Variants in ATXN7 observed in about 807,000 individuals in gnomAD.
ATXN7 encodes the protein ataxin 7, also known as ataxin-7.
In ATXN7, 12 loss-of-function variants were observed where a neutral mutation model predicts 70.5. The observed-to-expected ratio is 0.17, with a 90% CI of 0.11 to 0.28. The LOEUF is 0.28. Among genes scored for constraint, ATXN7 ranks in the 10% least tolerant of loss-of-function variants. The pLI is 1.00. For missense variants in ATXN7, 1,256 were observed against 1,131.7 expected, an observed-to-expected ratio of 1.11 and a Z score of -1.58; for synonymous variants, 498 against 448.7, an observed-to-expected ratio of 1.11 and a Z score of -1.39.
intron 2 of ATXN7, among the ~76,000 whole-genome samples, chr3:63,900,056 C>G (rs1703578799): frequency 1.3e-5 from 2 of 152,138 alleles, no homozygotes; most frequent in Admixed American, 1.3e-4. Context: ...TGCACACCAG[C>G]CCCAGCGGCA....
At chr3:63,990,404 C>A in intron 10 of ATXN7, 30 bp downstream of exon 10, 1 of 1,612,398 alleles carries the variant, frequency 6.2e-7, no homozygotes. Flanking sequence ...CCGCGTTGAC[C>A]CTCCCCACAC....
intron 1 of ATXN7, among the ~76,000 whole-genome samples, chr3:63,888,174 G>C (rs557175587): frequency 6.6e-6 from 1 of 152,076 alleles, no homozygotes; most frequent in Non-Finnish European, 1.5e-5. Flanking sequence ...CAGAGGCTTG[G>C]ATATTATTTA....
rs1201791298 is a variant in ATXN7 at position 64,001,308 on chromosome 3, A to T, written c.*1841A>T. 6.6e-6 allele frequency: 1 copy of T among 152,210 alleles called. No homozygotes were observed. Among genetic ancestry groups the T allele is most frequent in the Non-Finnish European group, 1.5e-5 (1 of 68,038 alleles). The allele number at this position is 152,210 out of a possible 1,614,324, so 9.4% of individuals were successfully genotyped here. Reference sequence around the variant, plus strand: ...GTAAATGTTTTTAAAATGATACTACAGGAGAGCTTAGTAAGGAGAGGGCAT... The same window carrying T: ...GTAAATGTTTTTAAAATGATACTACTGGAGAGCTTAGTAAGGAGAGGGCAT... On this transcript the variant is annotated 3_prime_UTR_variant, in exon 13 of 13. Coordinates refer to ENST00000674280, the MANE Select transcript of ATXN7 (RefSeq NM_001377405.1).
At chr3:63,867,694 C>T (rs1702475757) in intron 1 of ATXN7, among the ~76,000 whole-genome samples, 1 of 151,928 alleles carries the variant, frequency 6.6e-6, no homozygotes, top group South Asian at 2.1e-4. Context: ...TCAAGAGCAG[C>T]CTGGCCAACA....
At chr3:63,901,161 T>C (rs1180513915) in intron 2 of ATXN7, 1 of 152,260 alleles carries the variant, frequency 6.6e-6, no homozygotes, top group African/African-American at 2.4e-5. Context: ...ATGTTTATCA[T>C]GTACAATGTA....
rs1032014886 is a variant in ATXN7, at chr3:63,990,634, A to T, written c.1561-104A>T. On this transcript the variant is annotated intron_variant, in intron 10 of 12. Coordinates refer to ENST00000674280, the MANE Select transcript of ATXN7 (RefSeq NM_001377405.1). ...TTCACAGCCTCCGGTACTCAGAGGC[A>T]GTTCTGTCTTTCCTGATTAGCTCCT... is the stretch of plus-strand genomic sequence containing the variant. 66 of 1,542,056 alleles carry T rather than the reference A, an allele frequency of 4.3e-5. No homozygotes were observed. The African/African-American group carries it at 8.2e-4, about 19-fold the overall frequency.
chr3:63,918,499 A>G (rs990886755), intron 4 of ATXN7, among the ~76,000 whole-genome samples: 2 of 152,230 alleles, frequency 1.3e-5, no homozygotes, highest in African/African-American at 4.8e-5. Flanking sequence ...CCTTGTATCC[A>G]TCACACAGTT....
At chr3:63,972,874 CT>C (rs1243312631) in intron 5 of ATXN7, among the ~76,000 whole-genome samples, 2 of 152,126 alleles carry the variant, frequency 1.3e-5, no homozygotes, top group Admixed American at 1.3e-4. Flanking sequence ...TTTCTACCTC[CT>C]TTAGAAGTCA....
chr3:63,912,949 C>T (rs777627983), intron 3 of ATXN7, 26 bp downstream of exon 3: 9 of 1,594,192 alleles, frequency 5.6e-6, no homozygotes, highest in Middle Eastern at 1.9e-4. Flanking sequence ...CTCCTCCCCC[C>T]TTCACCCCCT....
Position 63,863,935 on chromosome 3 carries a change from T to G in ATXN7, c.-334T>G. On this transcript the variant is annotated 5_prime_UTR_variant, in exon 1 of 13. An upstream open reading frame in the 5' UTR loses its in-frame stop. Transcript: ENST00000674280. ...GCCCGCGGCCGCCTGCTCCGACGCCTGAGCCGCGCCGCGCCGCGCCGCCGC... is the reference window on the plus strand; with the variant it reads ...GCCCGCGGCCGCCTGCTCCGACGCCGGAGCCGCGCCGCGCCGCGCCGCCGC... The G allele has an allele frequency of 1.2e-5, 5 of 430,272 alleles. No individual in the cohort carries two copies. Among genetic ancestry groups the G allele is most frequent in the Non-Finnish European group, 1.5e-5 (5 of 338,616 alleles). The allele number at this position is 430,272 out of a possible 1,614,324, so 26.7% of individuals were successfully genotyped here.
chr3:63,869,977 A>G (rs73832000), intron 1 of ATXN7, among the ~76,000 whole-genome samples: 73 of 152,294 alleles, frequency 4.8e-4, no homozygotes, highest in African/African-American at 1.6e-3. Context: ...ACAAGCCTGC[A>G]CAGGTTTGGA....
chr3:63,975,536 T>G (rs1007181492), intron 5 of ATXN7, among the ~76,000 whole-genome samples: 1 of 152,242 alleles, frequency 6.6e-6, no homozygotes, highest in Non-Finnish European at 1.5e-5. Context: ...TTTAGATTTG[T>G]GCCCTAATTT....
chr3:63,999,050 A>G (rs1247213998), intron 12 of ATXN7: 1 of 179,050 alleles, frequency 5.6e-6, no homozygotes, highest in Non-Finnish European at 1.2e-5. Context: ...GAACTGTCAC[A>G]CCTGTGTGTG....
intron 8 of ATXN7, among the ~76,000 whole-genome samples, chr3:63,983,875 C>A: frequency 6.6e-6 from 1 of 152,050 alleles, no homozygotes; most frequent in South Asian, 2.1e-4. Context: ...GTTCAAGAAG[C>A]ATTCAGAGTC....
chr3:63,901,965 G>C (rs1703657954), intron 2 of ATXN7: 1 of 152,156 alleles, frequency 6.6e-6, no homozygotes, highest in Admixed American at 6.5e-5. Flanking sequence ...AAGCAGATGT[G>C]GTTTTCGGGG....
At chr3:63,953,394 G>A (rs1360784104) in intron 5 of ATXN7, among the ~76,000 whole-genome samples, 1 of 152,136 alleles carries the variant, frequency 6.6e-6, no homozygotes, top group Non-Finnish European at 1.5e-5. Flanking sequence ...TTAGTATTTA[G>A]AGAAGGGAGG....
intron 4 of ATXN7, among the ~76,000 whole-genome samples, chr3:63,950,095 T>A (rs1376029481): frequency 1.3e-5 from 2 of 152,132 alleles, no homozygotes; most frequent in African/African-American, 4.8e-5. Context: ...GAAGTATAGA[T>A]TCTTGGTTCC....
At chr3:63,979,741 A>G (rs889326153) in intron 5 of ATXN7, among the ~76,000 whole-genome samples, 174 bp from the exon 6 acceptor site, 2 of 152,176 alleles carry the variant, frequency 1.3e-5, no homozygotes, top group African/African-American at 4.8e-5. Context: ...CTAGAATGCT[A>G]AGTAAGTCTG....
intron 2 of ATXN7, among the ~76,000 whole-genome samples, chr3:63,899,019 C>T (rs1015505564): frequency 2.6e-5 from 4 of 151,952 alleles, no homozygotes; most frequent in Admixed American, 6.6e-5. Context: ...AATGAGTAGT[C>T]TCTGATCATT....
Sources: allele counts gnomAD v4.1 joint callset (sites outside exome capture counted in the v4.1 genomes callset), GRCh38; gene constraint gnomAD v4.1.1; transcripts MANE v1.5; gene names NCBI Gene and HGNC (gene_info 2026-07-23, HGNC 2026-07-21).